Variants in TOP1 observed in about 807,000 individuals in gnomAD.
TOP1 encodes the protein DNA topoisomerase 1.
TOP1 carries 10 observed loss-of-function variants against 111.1 expected under a neutral mutation model. That is an observed-to-expected ratio of 0.09 (90% CI 0.06 to 0.15). TOP1 has a LOEUF of 0.15. Ranked by LOEUF, TOP1 falls within the 10% of genes least tolerant of loss-of-function variation. The pLI, the probability that TOP1 is intolerant of heterozygous loss-of-function variation, is 1.00. For missense variants in TOP1, 474 were observed against 926.7 expected (o/e 0.51, Z 6.34); for synonymous variants, 271 against 302.9 (o/e 0.89, Z 1.10).
chr20:41,037,139 CT>C (rs1273262781), intron 2 of TOP1, among the ~76,000 whole-genome samples: 2 of 152,076 alleles, frequency 1.3e-5, no homozygotes, highest in Non-Finnish European at 2.9e-5. Context: ...CTAATTCCTA[CT>C]TTTCTAAGAA....
intron 7 of TOP1, among the ~76,000 whole-genome samples, chr20:41,081,887 T>G (rs1437783963): frequency 6.6e-6 from 1 of 152,210 alleles, no homozygotes; most frequent in East Asian, 1.9e-4. Flanking sequence ...TTCTTTATCC[T>G]TTTGGCCTAT....
chr20:41,068,775 C>T (rs977319099), intron 3 of TOP1, among the ~76,000 whole-genome samples: 2 of 152,278 alleles, frequency 1.3e-5, no homozygotes, highest in Non-Finnish European at 1.5e-5. Context: ...TAGGATCTCA[C>T]GAGCTACCTT....
chr20:41,113,211 C>T (rs544344621), intron 14 of TOP1, among the ~76,000 whole-genome samples: 1 of 152,200 alleles, frequency 6.6e-6, no homozygotes, highest in Admixed American at 6.5e-5. Context: ...TTAAAGACCA[C>T]GCTCTAGAGG....
chr20:41,029,649 G>A lies in TOP1; in HGVS notation c.58+194G>A, dbSNP rs1016615869. On this transcript the variant is annotated intron_variant, in intron 2 of 20. Coordinates refer to ENST00000361337, the MANE Select transcript of TOP1 (RefSeq NM_003286.4). This position sits in a 1 kb window ranked among gnomAD's most constrained non-coding sequence, Gnocchi z 6.1. The stretch of plus-strand genomic sequence containing the variant: ...GGGGACCCCAGCTCCTCCAGATCCC[G>A]GCCCTCCCAAGAGGGGACAACGGAG... 19 of 670,930 alleles carry A rather than the reference G, an allele frequency of 2.8e-5. No individual in the cohort carries two copies. The highest frequency in any genetic ancestry group is 1.3e-4 in the African/African-American group (7 of 54,860). The allele number at this position is 670,930 out of a possible 1,614,324, so 41.6% of individuals were successfully genotyped here.
At chr20:41,066,161 T>C (rs528990513) in intron 3 of TOP1, among the ~76,000 whole-genome samples, 2 of 152,306 alleles carry the variant, frequency 1.3e-5, no homozygotes, top group African/African-American at 4.8e-5. Flanking sequence ...CACATTCTAC[T>C]TTGTTTTGGG....
chr20:41,100,732 CTG>C lies in TOP1; in HGVS notation c.1164-474_1164-473del. ...TTTCCACCTTTTCATTTAAAGCACT[CTG>C]TGCAGCTTCTGTATGGCATATCCAA... On this transcript the variant is annotated intron_variant, in intron 12 of 20. Transcript: ENST00000361337. The surrounding 1 kb of genome is among the most constrained non-coding windows in gnomAD (Gnocchi z 4.4). 1 of 161,116 alleles carries C rather than the reference CTG, an allele frequency of 6.2e-6. No homozygotes were observed. The highest frequency in any genetic ancestry group is 6.0e-5 in the Admixed American group (1 of 16,564). 10.0% of individuals were successfully genotyped at this position (161,116 alleles called of 1,614,324 possible).
chr20:41,043,056 T>A (rs1473907930), intron 2 of TOP1, among the ~76,000 whole-genome samples: 1 of 152,188 alleles, frequency 6.6e-6, no homozygotes, highest in Non-Finnish European at 1.5e-5. Flanking sequence ...AAACACATAT[T>A]GTTCAGGTGT....
chr20:41,037,868 G>A (rs1299443676), intron 2 of TOP1, among the ~76,000 whole-genome samples: 3 of 152,102 alleles, frequency 2.0e-5, no homozygotes, highest in African/African-American at 4.8e-5. Flanking sequence ...CACAACAGGC[G>A]CAGACTTAAA....
intron 2 of TOP1, among the ~76,000 whole-genome samples, chr20:41,051,099 A>G (rs2033400160): frequency 1.3e-5 from 2 of 152,182 alleles, no homozygotes; most frequent in Non-Finnish European, 2.9e-5. Context: ...GTATATTTGT[A>G]TGTCAGAGAA....
chr20:41,117,026 T>G (rs368930689), intron 17 of TOP1, among the ~76,000 whole-genome samples: 6 of 152,186 alleles, frequency 3.9e-5, no homozygotes, highest in Non-Finnish European at 7.3e-5. Flanking sequence ...AAACAATTTT[T>G]TTGGATGGCA....
At chr20:41,053,028 C>A (rs1445526683) in intron 2 of TOP1, among the ~76,000 whole-genome samples, 1 of 152,098 alleles carries the variant, frequency 6.6e-6, no homozygotes, top group Non-Finnish European at 1.5e-5. Flanking sequence ...GGACACATGA[C>A]TTTAGGGAGA....
chr20:41,100,326 C>A lies in TOP1; in HGVS notation c.1163+83C>A. The A allele has an allele frequency of 8.3e-7, 1 of 1,205,220 alleles. No individual in the cohort carries two copies. The highest frequency in any genetic ancestry group is 1.2e-6 in the Non-Finnish European group (1 of 852,350). The allele number at this position is 1,205,220 out of a possible 1,614,324, so 74.7% of individuals were successfully genotyped here. On this transcript the variant is annotated intron_variant, in intron 12 of 20. Coordinates refer to ENST00000361337, the MANE Select transcript of TOP1 (RefSeq NM_003286.4). The surrounding 1 kb of genome is among the most constrained non-coding windows in gnomAD (Gnocchi z 4.4). Reference sequence around the variant, plus strand: ...ACTTGGGAATATTTCCCAGGTTACACAGGACTGTTTGGGAAGGGAGATACT... The same window carrying A: ...ACTTGGGAATATTTCCCAGGTTACAAAGGACTGTTTGGGAAGGGAGATACT...
intron 8 of TOP1, among the ~76,000 whole-genome samples, chr20:41,085,178 A>G (rs2033833653): frequency 6.6e-6 from 1 of 152,238 alleles, no homozygotes; most frequent in East Asian, 1.9e-4. Context: ...TATGAAAGGA[A>G]TGATCTAATC....
rs1457100646 is a variant in TOP1 at position 41,029,784 on chromosome 20, T to C, written c.58+329T>C. 9 of 418,078 alleles carry C rather than the reference T, an allele frequency of 2.2e-5. No individual in the cohort carries two copies. The highest frequency in any genetic ancestry group is 3.5e-5 in the Non-Finnish European group (8 of 227,856). 25.9% of individuals were successfully genotyped at this position (418,078 alleles called of 1,614,324 possible). On this transcript the variant is annotated intron_variant, in intron 2 of 20. Coordinates refer to ENST00000361337, the MANE Select transcript of TOP1 (RefSeq NM_003286.4). This position sits in a 1 kb window ranked among gnomAD's most constrained non-coding sequence, Gnocchi z 6.1. The stretch of plus-strand genomic sequence containing the variant: ...ACTTAGTCTCTGCGCCATTTTCTTT[T>C]TCTCTCTCCTCTCCTTTCTGTGCCT...
rs965904973 is a variant in TOP1 at position 41,109,994 on chromosome 20, C to T, written c.1309-2788C>T. On this transcript the variant is annotated intron_variant, in intron 13 of 20. Coordinates refer to ENST00000361337, the MANE Select transcript of TOP1 (RefSeq NM_003286.4). This position sits in a 1 kb window ranked among gnomAD's most constrained non-coding sequence, Gnocchi z 4.1. ...CAACAACATGGATGAATCTTAAAAA[C>T]ATGGTTAAGGGCCAGGTGCGGTTGG... Among the ~76,000 whole-genome samples, 1 of 152,138 alleles carries T rather than the reference C, an allele frequency of 6.6e-6. No individual in the cohort carries two copies. Among genetic ancestry groups the T allele is most frequent in the African/African-American group, 2.4e-5 (1 of 41,422 alleles).
chr20:41,029,676 C>G lies in TOP1; in HGVS notation c.58+221C>G. The stretch of plus-strand genomic sequence containing the variant: ...CCCTCCCAAGAGGGGACAACGGAGA[C>G]CCCGTGTCGTCCGCCACCGGGCCTC... On this transcript the variant is annotated intron_variant, in intron 2 of 20. Coordinates refer to ENST00000361337, the MANE Select transcript of TOP1 (RefSeq NM_003286.4). The surrounding 1 kb of genome is among the most constrained non-coding windows in gnomAD (Gnocchi z 6.1). 1.6e-6 allele frequency: 1 copy of G among 621,200 alleles called. No individual in the cohort carries two copies. The highest frequency in any genetic ancestry group is 2.9e-6 in the Non-Finnish European group (1 of 341,568). The allele number at this position is 621,200 out of a possible 1,614,324, so 38.5% of individuals were successfully genotyped here.
At chr20:41,090,809 A>G (rs147520659) in intron 8 of TOP1, among the ~76,000 whole-genome samples, 1 of 152,288 alleles carries the variant, frequency 6.6e-6, no homozygotes, top group African/African-American at 2.4e-5. Context: ...CCCAGCTGCA[A>G]TTCATTTATT....
In TOP1 at chr20:41,121,678, CA is replaced by C. The variant is rs1568710303; in HGVS notation, c.1951-17del. 1.9e-6 allele frequency: 3 copies of C among 1,604,192 alleles called. No homozygotes were observed. Among genetic ancestry groups the C allele is most frequent in the Non-Finnish European group, 2.6e-6 (3 of 1,170,958 alleles). On this transcript the variant is annotated splice_polypyrimidine_tract_variant and intron_variant, in intron 18 of 20. Transcript: ENST00000361337. This position sits in a 1 kb window ranked among gnomAD's most constrained non-coding sequence, Gnocchi z 4.2. ...TTTCCTCTACAGCTCATAACCTTAC[CA>C]CTATTATTTCCCCTAGATTGATGCC...
At chr20:41,068,417 T>C (rs2033632153) in intron 3 of TOP1, among the ~76,000 whole-genome samples, 2 of 151,924 alleles carry the variant, frequency 1.3e-5, no homozygotes, top group South Asian at 2.1e-4. Context: ...TCCTTTTTCT[T>C]TTTTTTTGGA....
Sources: gnomAD v4.1 joint callset for allele counts (sites outside exome capture counted in the v4.1 genomes callset) on GRCh38, gnomAD v4.1.1 for gene constraint, Gnocchi (gnomAD v3.1) non-coding constraint, MANE v1.5 for transcripts, NCBI Gene and HGNC (gene_info 2026-07-23, HGNC 2026-07-21) for gene names.